The following RFWD3 variants were observed in gnomAD, a reference collection of about 807,000 sequenced individuals.
The protein encoded by RFWD3 is ring finger and WD repeat domain 3.
Under a neutral mutation model 87.7 loss-of-function variants are expected in RFWD3, and 65 were observed. The ratio of observed to expected loss-of-function variants is 0.74; its 90% CI spans 0.61 to 0.91. The LOEUF is 0.91. RFWD3 is among the 40% of genes least tolerant of loss of function. The pLI, the probability that RFWD3 is intolerant of heterozygous loss-of-function variation, is 0.00. For synonymous variants in RFWD3, 433 were observed against 352.8 expected (o/e 1.23, Z -2.55); for missense variants, 1,078 against 938.5 (o/e 1.15, Z -1.94).
intron 1 of RFWD3, among the ~76,000 whole-genome samples, chr16:74,663,656 A>C (rs553644575): frequency 5.3e-5 from 8 of 152,226 alleles, no homozygotes; most frequent in Non-Finnish European, 8.8e-5. Flanking sequence ...TTTTTAAGAA[A>C]GGATAAATTA....
At chr16:74,655,332 C>T (rs1031441146) in intron 2 of RFWD3, among the ~76,000 whole-genome samples, 10 of 151,808 alleles carry the variant, frequency 6.6e-5, no homozygotes, top group African/African-American at 1.9e-4. Flanking sequence ...CTCTGCCTCC[C>T]GGGTTCACGC....
At chr16:74,645,361 G>A (rs571524329) in intron 4 of RFWD3, among the ~76,000 whole-genome samples, 2 of 152,372 alleles carry the variant, frequency 1.3e-5, no homozygotes, top group South Asian at 4.1e-4. Flanking sequence ...TGGATATATA[G>A]TCATGCATTG....
chr16:74,663,135 A>C (rs936716603), intron 1 of RFWD3, among the ~76,000 whole-genome samples: 9 of 151,980 alleles, frequency 5.9e-5, no homozygotes, highest in African/African-American at 1.7e-4. Context: ...CGATCCCCTG[A>C]CCTGGTGATC....
rs1241586877 is a variant in RFWD3, at chr16:74,630,904, C to G, written c.1631G>C (p.Ser544Thr). The G allele has an allele frequency of 6.2e-7, 1 of 1,614,068 alleles. No individual in the cohort carries two copies. The highest frequency in any genetic ancestry group is 8.5e-7 in the Non-Finnish European group (1 of 1,179,958). The change falls in exon 10 of 13, where the codon AGC becomes ACC. Residue 544 changes from serine to threonine, a missense_variant. Transcript: ENST00000361070. ...AGCCTCATCAAGACACCAGCAACAG[C>G]TCCAGACAGGACGTCCAGCATTATA... ...QTYNAGRPVW[S>T]CCWCLDEANY...
rs1384357529 is a variant in RFWD3 at position 74,661,157 on chromosome 16, G to C, written c.293C>G (p.Thr98Ser). The stretch of plus-strand genomic sequence containing the variant: ...AGATCCCTGCCTATGTTGTTCTGAA[G>C]TTCTTGGATTGATGTTCTCCACAGT... ...EDTVENINPR[T>S]SEQHRQGSDG... The change falls in exon 2 of 13, where the codon ACT (threonine) becomes AGT (serine). Residue 98 changes from threonine (T) to serine (S), a missense_variant. Thr to Ser is a moderately conservative substitution (Grantham distance 58). Transcript: ENST00000361070. 1 of 1,614,074 alleles carries C rather than the reference G, an allele frequency of 6.2e-7. No homozygotes were observed. Among genetic ancestry groups the C allele is most frequent in the South Asian group, 1.1e-5 (1 of 91,094 alleles).
chr16:74,640,770 T>C (rs1007853934), intron 6 of RFWD3, among the ~76,000 whole-genome samples: 3 of 151,666 alleles, frequency 2.0e-5, no homozygotes, highest in African/African-American at 7.3e-5. Context: ...AAACCCCGTC[T>C]CTACTAAAAA....
In RFWD3 at chr16:74,666,844, C is replaced by CT. The variant is rs869068355; in HGVS notation, c.-62_-61insA. 1 of 149,844 alleles carries CT rather than the reference C, an allele frequency of 6.7e-6. No homozygotes were observed. Among genetic ancestry groups the CT allele is most frequent in the South Asian group, 2.1e-4 (1 of 4,812 alleles). The allele number at this position is 149,844 out of a possible 1,614,324, so 9.3% of individuals were successfully genotyped here. ...CCCGCCGAAGACTCGGTAGTTACCTCGGCCGCACTCCGAATGCACCTACGC... is the reference window on the plus strand; with the variant it reads ...CCCGCCGAAGACTCGGTAGTTACCTCTGGCCGCACTCCGAATGCACCTACGC... On this transcript the variant is annotated 5_prime_UTR_variant, in exon 1 of 13. Coordinates refer to ENST00000361070, the MANE Select transcript of RFWD3 (RefSeq NM_018124.4).
At chr16:74,656,452 G>A (rs1455387758) in intron 2 of RFWD3, among the ~76,000 whole-genome samples, 1 of 151,676 alleles carries the variant, frequency 6.6e-6, no homozygotes, top group East Asian at 1.9e-4. Context: ...TCTGGACAAA[G>A]TAAATTGAAA....
At chr16:74,624,569 T>C (rs1958867256) in intron 12 of RFWD3, among the ~76,000 whole-genome samples, 1 of 152,180 alleles carries the variant, frequency 6.6e-6, no homozygotes, top group African/African-American at 2.4e-5. Context: ...CTAATTTTCT[T>C]GTATTTTTGG....
At chr16:74,624,168 G>C (rs1958850705) in intron 12 of RFWD3, 97 bp from the exon 13 acceptor site, 2 of 1,404,918 alleles carry the variant, frequency 1.4e-6, no homozygotes, top group African/African-American at 1.4e-5. Context: ...GCTGCAGAGA[G>C]AACACTACCT....
At chr16:74,663,881 T>C (rs1185921628) in intron 1 of RFWD3, among the ~76,000 whole-genome samples, 1 of 152,140 alleles carries the variant, frequency 6.6e-6, no homozygotes, top group Non-Finnish European at 1.5e-5. Context: ...AAAGGCAATA[T>C]TGAAAGATGG....
At position 74,644,692 on chromosome 16, in the gene RFWD3, A is replaced by G; in HGVS notation, c.836T>C (p.Met279Thr). ...ACAAGTGTCCCCTTCTTCCTCATCC[A>G]TAGAAGCAGAAGGTAGCAGAGGCTC... is the stretch of plus-strand genomic sequence containing the variant. ...KSEPLLPSAS[M>T]DEEEGDTCTI... Residue 279 changes from methionine to threonine, a missense_variant, in exon 5 of 13, where the codon ATG (methionine) becomes ACG (threonine). Met to Thr is a moderately conservative substitution (Grantham distance 81). Transcript: ENST00000361070. The G allele has an allele frequency of 6.2e-7, 1 of 1,614,188 alleles. No homozygotes were observed. Among genetic ancestry groups the G allele is most frequent in the Non-Finnish European group, 8.5e-7 (1 of 1,180,030 alleles).
chr16:74,654,322 T>C (rs1481959100), intron 2 of RFWD3, among the ~76,000 whole-genome samples: 1 of 152,258 alleles, frequency 6.6e-6, no homozygotes, highest in African/African-American at 2.4e-5. Context: ...ATTTATATGC[T>C]AACCTTTATT....
intron 2 of RFWD3, among the ~76,000 whole-genome samples, chr16:74,655,407 T>C (rs1390562404): frequency 7.1e-6 from 1 of 141,374 alleles, no homozygotes; most frequent in Non-Finnish European, 1.6e-5. Flanking sequence ...GCCTGGCTAA[T>C]TTTTTTTTTT....
At chr16:74,634,528 A>C (rs1959177622) in intron 8 of RFWD3, among the ~76,000 whole-genome samples, 1 of 152,016 alleles carries the variant, frequency 6.6e-6, no homozygotes, top group Non-Finnish European at 1.5e-5. Context: ...GGGACCAGAG[A>C]GGTGTGCCAC....
At chr16:74,626,256 C>T (rs189249656) in intron 12 of RFWD3, 87 bp downstream of exon 12, 1 of 1,194,626 alleles carries the variant, frequency 8.4e-7, no homozygotes, top group South Asian at 1.3e-5. Flanking sequence ...GCTATATGAG[C>T]TTCTGTAAAA....
intron 12 of RFWD3, among the ~76,000 whole-genome samples, chr16:74,625,590 G>A (rs1445107526): frequency 6.6e-6 from 1 of 151,136 alleles, no homozygotes. Flanking sequence ...CCATTGACTT[G>A]TTGTGGAAGC....
intron 11 of RFWD3, among the ~76,000 whole-genome samples, chr16:74,627,287 T>C (rs1442179151): frequency 1.3e-5 from 2 of 152,200 alleles, no homozygotes; most frequent in African/African-American, 4.8e-5. Flanking sequence ...TCAGCATCTG[T>C]TTTTAGGGCT....
chr16:74,637,787 A>T (rs771117691), intron 7 of RFWD3, 69 bp downstream of exon 7: 4 of 1,124,348 alleles, frequency 3.6e-6, no homozygotes, highest in Non-Finnish European at 5.3e-6. Flanking sequence ...TGAGATGAAC[A>T]TAACTAACAT....
Sources: allele counts gnomAD v4.1 joint callset (sites outside exome capture counted in the v4.1 genomes callset), GRCh38; gene constraint gnomAD v4.1.1; transcripts MANE v1.5; gene names NCBI Gene and HGNC (gene_info 2026-07-23, HGNC 2026-07-21).